FHIT: variants seen among roughly 807,000 people sequenced by gnomAD.
FHIT encodes fragile histidine triad diadenosine triphosphatase.
In FHIT, 19 loss-of-function variants were observed where a neutral mutation model predicts 17.9. That is an observed-to-expected ratio of 1.06 (90% CI 0.74 to 1.56). The LOEUF is 1.56. Among genes scored for constraint, FHIT ranks in the 40% most tolerant of loss-of-function variants. FHIT has a pLI of 0.00. For synonymous variants in FHIT, 81 were observed against 69.7 expected (o/e 1.16, Z -0.81); for missense variants, 248 against 189.2 (o/e 1.31, Z -1.82).
chr3:61,202,396 C>A (rs539039827), intron 1 of FHIT, among the ~76,000 whole-genome samples: 5 of 152,122 alleles, frequency 3.3e-5, no homozygotes, highest in Non-Finnish European at 5.9e-5. Flanking sequence ...AAGTGAGGAG[C>A]GCCTCTGCCC....
In FHIT at chr3:60,530,280, A is replaced by C. The variant is rs537185575; in HGVS notation, c.103+6580T>G. ...AAGGAAGAGAAGGCAGATAGCAGGAAGTAGTCTAGATGAGGTCTAGAGACC... is the reference window on the plus strand; with the variant it reads ...AAGGAAGAGAAGGCAGATAGCAGGACGTAGTCTAGATGAGGTCTAGAGACC... On this transcript the variant is annotated intron_variant, in intron 5 of 9. Transcript: ENST00000492590. 1.8e-4 allele frequency among the ~76,000 whole-genome samples: 28 copies of C among 152,316 alleles called. 1 individual carries two copies. The highest frequency in any genetic ancestry group is 6.5e-4 in the African/African-American group (27 of 41,574).
At chr3:60,499,484 CG>C (rs1324580358) in intron 5 of FHIT, among the ~76,000 whole-genome samples, 1 of 152,048 alleles carries the variant, frequency 6.6e-6, no homozygotes, top group Non-Finnish European at 1.5e-5. Context: ...CTCCTCCTCC[CG>C]GGTTCACGCG....
chr3:59,935,922 G>A (rs1396307469), intron 7 of FHIT, among the ~76,000 whole-genome samples: 3 of 152,112 alleles, frequency 2.0e-5, no homozygotes, highest in African/African-American at 4.8e-5. Context: ...TATGGTCTAT[G>A]AAGAGCCATT....
intron 5 of FHIT, among the ~76,000 whole-genome samples, chr3:60,310,957 C>T (rs140106699): frequency 0.012 from 1,853 of 152,182 alleles, 37 homozygotes; most frequent in African/African-American, 0.041. Flanking sequence ...TTAGCGCATA[C>T]TTCTTAAAAC....
At chr3:60,416,958 A>C (rs2611407) in intron 5 of FHIT, among the ~76,000 whole-genome samples, 2 of 151,534 alleles carry the variant, frequency 1.3e-5, no homozygotes, top group African/African-American at 2.4e-5. Context: ...GCGTGGTGGC[A>C]GGCGCCTGTA....
At chr3:60,854,052 G>A (rs773556090) in intron 3 of FHIT, among the ~76,000 whole-genome samples, 1 of 152,048 alleles carries the variant, frequency 6.6e-6, no homozygotes, top group Non-Finnish European at 1.5e-5. Flanking sequence ...CAGGTTGAAG[G>A]AAGTGTAAAT....
chr3:59,765,256 T>G (rs540739862), intron 8 of FHIT, among the ~76,000 whole-genome samples: 10 of 152,356 alleles, frequency 6.6e-5, no homozygotes, highest in African/African-American at 2.4e-4. Flanking sequence ...ATAAAAATGC[T>G]TTGAAATAAC....
At chr3:59,980,653 A>G (rs1708613106) in intron 7 of FHIT, among the ~76,000 whole-genome samples, 1 of 152,180 alleles carries the variant, frequency 6.6e-6, no homozygotes, top group South Asian at 2.1e-4. Flanking sequence ...AGCTTGTCCC[A>G]CAAGGAGGCA....
At chr3:60,139,820 T>TTA (rs1699961806) in intron 5 of FHIT, among the ~76,000 whole-genome samples, 1 of 147,844 alleles carries the variant, frequency 6.8e-6, no homozygotes, top group African/African-American at 2.5e-5. Context: ...CTTTCATTAT[T>TTA]AAAAAAAAAA....
At chr3:60,174,955 G>A (rs1426770518) in intron 5 of FHIT, among the ~76,000 whole-genome samples, 3 of 152,170 alleles carry the variant, frequency 2.0e-5, no homozygotes, top group African/African-American at 7.2e-5. Flanking sequence ...GGCACGTAGT[G>A]AATTTTAAAA....
At chr3:60,502,807 T>C (rs994723963) in intron 5 of FHIT, among the ~76,000 whole-genome samples, 8 of 152,268 alleles carry the variant, frequency 5.3e-5, no homozygotes, top group African/African-American at 1.7e-4. Flanking sequence ...GTGTGTGAAG[T>C]ATATATCAAA....
chr3:60,247,388 G>C (rs909583991), intron 5 of FHIT, among the ~76,000 whole-genome samples: 9 of 151,708 alleles, frequency 5.9e-5, no homozygotes, highest in African/African-American at 2.2e-4. Context: ...AAAGAAGATA[G>C]AAGACAGAAG....
chr3:60,085,242 C>T (rs367559766), intron 5 of FHIT, among the ~76,000 whole-genome samples: 13 of 152,144 alleles, frequency 8.5e-5, no homozygotes, highest in African/African-American at 1.4e-4. Context: ...AGATAAAAGA[C>T]GGGTACAGAC....
chr3:60,686,369 C>A (rs555209795), intron 4 of FHIT, among the ~76,000 whole-genome samples: 1 of 152,180 alleles, frequency 6.6e-6, no homozygotes, highest in African/African-American at 2.4e-5. Context: ...TAGGTTGGCA[C>A]AAAAGTAATT....
chr3:60,593,071 T>C (rs568821076), intron 4 of FHIT, among the ~76,000 whole-genome samples: 32 of 152,272 alleles, frequency 2.1e-4, no homozygotes, highest in Non-Finnish European at 2.6e-4. Context: ...CCTGAAGACC[T>C]TTCTCCAACA....
intron 4 of FHIT, among the ~76,000 whole-genome samples, chr3:60,717,914 G>A (rs1293322431): frequency 5.3e-5 from 8 of 152,078 alleles, no homozygotes; most frequent in Admixed American, 2.6e-4. Flanking sequence ...ACACACACAC[G>A]GCTTAGGATA....
chr3:61,032,581 A>T (rs192102699), intron 3 of FHIT, among the ~76,000 whole-genome samples: 2 of 152,342 alleles, frequency 1.3e-5, no homozygotes, highest in East Asian at 3.9e-4. Flanking sequence ...ACATTCCCAG[A>T]GGCCAGACAT....
At chr3:60,152,743 G>A (rs955813783) in intron 5 of FHIT, among the ~76,000 whole-genome samples, 1 of 152,048 alleles carries the variant, frequency 6.6e-6, no homozygotes, top group East Asian at 2.0e-4. Flanking sequence ...TGGGCTTTCC[G>A]TACCCCACCA....
chr3:59,769,455 G>A (rs1701965980), intron 8 of FHIT, among the ~76,000 whole-genome samples: 1 of 152,168 alleles, frequency 6.6e-6, no homozygotes, highest in Non-Finnish European at 1.5e-5. Flanking sequence ...CCTTCTCATT[G>A]TGTGCACTCT....
Sources: allele counts gnomAD v4.1 joint callset (sites outside exome capture counted in the v4.1 genomes callset), GRCh38; gene constraint gnomAD v4.1.1; transcripts MANE v1.5; gene names NCBI Gene and HGNC (gene_info 2026-07-23, HGNC 2026-07-21).